Variants in KANSL3 observed in about 807,000 individuals in gnomAD.
The protein encoded by KANSL3 is NSL complex protein NSL3.
Under a neutral mutation model 89.2 loss-of-function variants are expected in KANSL3, and 16 were observed. The ratio of observed to expected loss-of-function variants is 0.18; its 90% CI spans 0.12 to 0.27. KANSL3 has a LOEUF of 0.27. Among genes scored for constraint, KANSL3 ranks in the 10% least tolerant of loss-of-function variants. The probability of loss-of-function intolerance (pLI) is 1.00; values close to 1 mark genes in which losing one functional copy is unlikely to be tolerated. For synonymous variants in KANSL3, 385 were observed against 419.7 expected (o/e 0.92, Z 1.01); for missense variants, 879 against 1,110.6 (o/e 0.79, Z 2.96).
chr2:96,605,530 T>C lies in KANSL3; in HGVS notation c.1742-19A>G. 3.1e-6 allele frequency: 5 copies of C among 1,604,714 alleles called. No individual in the cohort carries two copies. Among genetic ancestry groups the C allele is most frequent in the South Asian group, 1.1e-5 (1 of 90,620 alleles). ...ATGGGAACTAAGACATGGAGCTGAG[T>C]TGAGATCCTCCACAATCCAAAAAAT... On this transcript the variant is annotated intron_variant, in intron 14 of 20. Coordinates refer to ENST00000431828, the MANE Select transcript of KANSL3 (RefSeq NM_001115016.3).
chr2:96,605,455 G>A lies in KANSL3; in HGVS notation c.1798C>T (p.Leu600=), dbSNP rs1324775181. ...EGEKEDLRVQ[L]KRHHPSSPLP... ...GGACTCGAGGGATGGTGTCGCTTCA[G>A]CTGAACCCTAAGATCCTCTTTCTCT... The change falls in exon 15 of 21, where the codon CTG becomes TTG. Residue 600 remains leucine, a synonymous_variant. Transcript: ENST00000431828. 6.2e-7 allele frequency: 1 copy of A among 1,613,958 alleles called. No homozygotes were observed. The highest frequency in any genetic ancestry group is 8.5e-7 in the Non-Finnish European group (1 of 1,179,852).
At chr2:96,612,191 G>C in intron 9 of KANSL3, 91 bp downstream of exon 9, 1 of 885,582 alleles carries the variant, frequency 1.1e-6, no homozygotes, top group Non-Finnish European at 1.9e-6. Context: ...ATCTAGCGCA[G>C]AGCCTGACAC....
intron 5 of KANSL3, 83 bp from the exon 6 acceptor site, chr2:96,613,702 C>A: frequency 7.4e-7 from 1 of 1,355,848 alleles, no homozygotes; most frequent in Non-Finnish European, 1.0e-6. Flanking sequence ...AGAACAGAGC[C>A]CCACTATAAG....
At position 96,601,763 on chromosome 2, in the gene KANSL3, G is replaced by A. The variant is rs370435580; in HGVS notation, c.2496C>T (p.Pro832=). 22 of 1,573,324 alleles carry A rather than the reference G, an allele frequency of 1.4e-5. No homozygotes were observed. The highest frequency in any genetic ancestry group is 1.9e-5 in the Non-Finnish European group (22 of 1,161,182). The change falls in exon 20 of 21, where the codon CCC becomes CCT. Residue 832 remains proline, a synonymous_variant. Coordinates refer to ENST00000431828, the MANE Select transcript of KANSL3 (RefSeq NM_001115016.3). ...CACGAAGTGTCAGAGTAATGGTGGT[G>A]GGGACCTTCAAGCCTGAGATAAAGA... is the stretch of plus-strand genomic sequence containing the variant. ...ISNQASGLKV[P]TTITLTLRGQ...
In KANSL3 at chr2:96,593,424, A is replaced by C; in HGVS notation, c.*2187T>G. ...ATAATATTGCCTTCTGAGGTTATGG[A>C]TTCCAGGTCTTCTATGAAATAGGTA... On this transcript the variant is annotated 3_prime_UTR_variant, in exon 21 of 21. Coordinates refer to ENST00000431828, the MANE Select transcript of KANSL3 (RefSeq NM_001115016.3). 1 of 409,178 alleles carries C rather than the reference A, an allele frequency of 2.4e-6. No individual in the cohort carries two copies. Among genetic ancestry groups the C allele is most frequent in the South Asian group, 1.7e-5 (1 of 58,460 alleles). The allele number at this position is 409,178 out of a possible 1,614,324, so 25.3% of individuals were successfully genotyped here.
At chr2:96,590,363 G>C (rs1276506088), downstream of KANSL3, among the ~76,000 whole-genome samples, 2 of 151,576 alleles carry the variant, frequency 1.3e-5, no homozygotes, top group African/African-American at 2.4e-5. Flanking sequence ...CACGATCACA[G>C]CTCACTGCAG....
intron 1 of KANSL3, 22 bp downstream of exon 1, chr2:96,638,258 CCCT>C (rs1308837774): frequency 6.6e-6 from 1 of 152,422 alleles, no homozygotes; most frequent in Non-Finnish European, 1.5e-5. Context: ...CCCGCCACTC[CCCT>C]CGAAGCCAAC....
the KANSL3 span, among the ~76,000 whole-genome samples, chr2:96,587,672 GAC>G: frequency 6.6e-6 from 1 of 152,070 alleles, no homozygotes; most frequent in African/African-American, 2.4e-5. Flanking sequence ...AATAAGAAAA[GAC>G]AACCAACAGA....
intron 3 of KANSL3, among the ~76,000 whole-genome samples, chr2:96,620,759 T>C (rs143535978): frequency 1.5e-3 from 234 of 152,280 alleles, no homozygotes; most frequent in African/African-American, 5.5e-3. Flanking sequence ...TCCCAGCACT[T>C]TGGGAGGCCA....
At chr2:96,597,172 T>C (rs1455198451) in intron 20 of KANSL3, among the ~76,000 whole-genome samples, 2 of 152,174 alleles carry the variant, frequency 1.3e-5, no homozygotes, top group African/African-American at 4.8e-5. Flanking sequence ...AACAATACCA[T>C]TATCACACAT....
chr2:96,632,933 T>C lies in KANSL3; in HGVS notation c.216-1451A>G, dbSNP rs1257297151. Among the ~76,000 whole-genome samples, 6 of 132,568 alleles carry C rather than the reference T, an allele frequency of 4.5e-5. No individual in the cohort carries two copies. In the East Asian group the frequency reaches 8.9e-4, roughly 20 times the overall value. 87.0% of individuals were successfully genotyped at this position (132,568 alleles called of 152,430 possible). On this transcript the variant is annotated intron_variant, in intron 2 of 20. Coordinates refer to ENST00000431828, the MANE Select transcript of KANSL3 (RefSeq NM_001115016.3). ...GTGAGCCGAGATTGCGCCACTGCAC[T>C]CCAGACTGGGAGACAGAGCGAGACT...
At chr2:96,591,416 G>A (rs2066272379), downstream of KANSL3, among the ~76,000 whole-genome samples, 1 of 152,080 alleles carries the variant, frequency 6.6e-6, no homozygotes, top group South Asian at 2.1e-4. Context: ...TTTGTTTATG[G>A]TTACAGCGAT....
chr2:96,601,511 G>T, intron 20 of KANSL3, 132 bp downstream of exon 20: 2 of 1,417,494 alleles, frequency 1.4e-6, no homozygotes, highest in Non-Finnish European at 1.8e-6. Flanking sequence ...ACAAACTCCA[G>T]AATACAGATT....
chr2:96,623,167 T>C (rs529896916), intron 3 of KANSL3, among the ~76,000 whole-genome samples: 21 of 152,194 alleles, frequency 1.4e-4, no homozygotes, highest in Non-Finnish European at 2.5e-4. Flanking sequence ...GCTGAATAAA[T>C]AAATGGATGA....
rs770451820 is a variant in KANSL3, at chr2:96,608,911, G to A, written c.1537C>T (p.Pro513Ser). The A allele has an allele frequency of 4.4e-6, 7 of 1,575,152 alleles. No individual in the cohort carries two copies. The South Asian group carries it at 7.0e-5, about 16-fold the overall frequency. Reference protein sequence around the residue: ...AFEVPERGSRPASPAAKLPAS... With the variant: ...AFEVPERGSRSASPAAKLPAS... Reference sequence around the variant, plus strand: ...GGCAGCTTGGCAGCTGGGGAGGCAGGTCGACTGCCCCGCTCAGGGACTTCA... The same window carrying A: ...GGCAGCTTGGCAGCTGGGGAGGCAGATCGACTGCCCCGCTCAGGGACTTCA... Residue 513 changes from proline to serine, a missense_variant, in exon 13 of 21, where the codon CCT becomes TCT. Coordinates refer to ENST00000431828, the MANE Select transcript of KANSL3 (RefSeq NM_001115016.3).
Position 96,594,264 on chromosome 2 carries a change from G to C in KANSL3, c.*1347C>G, listed in dbSNP as rs1455149210. 2 of 152,248 alleles carry C rather than the reference G, an allele frequency of 1.3e-5. No homozygotes were observed. The highest frequency in any genetic ancestry group is 3.8e-4 in the East Asian group (2 of 5,200). The allele number at this position is 152,248 out of a possible 1,614,324, so 9.4% of individuals were successfully genotyped here. On this transcript the variant is annotated 3_prime_UTR_variant, in exon 21 of 21. Coordinates refer to ENST00000431828, the MANE Select transcript of KANSL3 (RefSeq NM_001115016.3). ...CTACAGAAAAGGACACTTGAGTGGA[G>C]TCACACTTGGGTTGCCTAATTTATT...
At chr2:96,613,339 C>G (rs2069359392) in intron 6 of KANSL3, 149 bp downstream of exon 6, 1 of 654,260 alleles carries the variant, frequency 1.5e-6, no homozygotes. Context: ...CCACTGCACT[C>G]TAGCCTGGGT....
chr2:96,595,522 G>A lies in KANSL3; in HGVS notation c.*89C>T. ...TCTTAAACAGGTCTTCCGACACGTG[G>A]ACAGCTCAGCAGGACCACACACCTG... On this transcript the variant is annotated 3_prime_UTR_variant, in exon 21 of 21. Transcript: ENST00000431828. The A allele has an allele frequency of 7.0e-7, 1 of 1,437,836 alleles. No homozygotes were observed. Among genetic ancestry groups the A allele is most frequent in the East Asian group, 2.3e-5 (1 of 43,422 alleles). 89.1% of individuals were successfully genotyped at this position (1,437,836 alleles called of 1,614,324 possible).
chr2:96,631,426 T>C lies in KANSL3; in HGVS notation c.272A>G (p.Tyr91Cys), dbSNP rs746180770. The change falls in exon 3 of 21, where the codon TAT becomes TGT. Residue 91 changes from tyrosine (Y) to cysteine (C), a missense_variant. Tyr to Cys is a radical substitution (Grantham distance 194). Around this residue, in one of 6 missense-constraint regions of KANSL3, gnomAD observed 210 missense variants for 311.9 expected, o/e 0.67. Coordinates refer to ENST00000431828, the MANE Select transcript of KANSL3 (RefSeq NM_001115016.3). ...ETVTSTPMPL[Y>C]DNQKARSVMN... ...CACGCTGCGTGCCTTCTGATTGTCATAGAGTGGCATAGGCGTTGATGTGAC... is the reference window on the plus strand; with the variant it reads ...CACGCTGCGTGCCTTCTGATTGTCACAGAGTGGCATAGGCGTTGATGTGAC... 7.2e-5 allele frequency: 115 copies of C among 1,597,352 alleles called. No homozygotes were observed. Among genetic ancestry groups the C allele is most frequent in the Admixed American group, 8.7e-5 (5 of 57,310 alleles).
Sources: allele counts gnomAD v4.1 joint callset (sites outside exome capture counted in the v4.1 genomes callset), GRCh38; gene constraint gnomAD v4.1.1; regional missense constraint gnomAD v4.1.1; transcripts MANE v1.5; gene names NCBI Gene and HGNC (gene_info 2026-07-23, HGNC 2026-07-21).